The following KRT86 variants were observed in gnomAD, a reference collection of about 807,000 sequenced individuals.
KRT86 encodes the protein keratin, type II cuticular Hb6.
A neutral mutation model predicts 41.2 loss-of-function variants in KRT86; 30 were observed. The observed-to-expected ratio is 0.73, with a 90% confidence interval of 0.54 to 0.99. The LOEUF is 0.99. KRT86 is among the 50% of genes least tolerant of loss of function. The probability of loss-of-function intolerance (pLI) is 0.00; values close to 1 mark genes in which losing one functional copy is unlikely to be tolerated. For missense variants in KRT86, 561 were observed against 571.4 expected (o/e 0.98, Z 0.19); for synonymous variants, 238 against 238.1 (o/e 1.00, Z 0.00).
At chr12:52,288,411 C>T (rs375883206) in intron 2 of KRT86, 15 of 1,614,050 alleles carry the variant, frequency 9.3e-6, no homozygotes, top group South Asian at 2.2e-5. Flanking sequence ...AGGGCCTCCA[C>T]GTTGGCCTCC....
At chr12:52,288,230 C>T in intron 2 of KRT86, 1 of 1,596,046 alleles carries the variant, frequency 6.3e-7, no homozygotes, top group Non-Finnish European at 8.6e-7. Context: ...CAGGCTTTCT[C>T]TGGTCCCCAA....
chr12:52,274,744 C>T, intron 1 of KRT86, 22 bp downstream of exon 1: 1 of 985,258 alleles, frequency 1.0e-6, no homozygotes, highest in Non-Finnish European at 1.2e-6. Context: ...ACACGTGGCT[C>T]CCTGGTCACA....
At chr12:52,296,438 C>G (rs925212872) in intron 2 of KRT86, among the ~76,000 whole-genome samples, 4 of 152,098 alleles carry the variant, frequency 2.6e-5, no homozygotes, top group Non-Finnish European at 5.9e-5. Context: ...AGTAATGAAC[C>G]CTCACAGGGC....
At chr12:52,291,369 G>A (rs1219930482) in intron 2 of KRT86, 2 of 1,601,860 alleles carry the variant, frequency 1.2e-6, no homozygotes, top group Non-Finnish European at 1.7e-6. Flanking sequence ...GAGATGCCAC[G>A]GTAGGGGGCG....
chr12:52,306,174 G>T lies in KRT86; in HGVS notation c.1141G>T (p.Asp381Tyr), dbSNP rs1347658676. Residue 381 changes from aspartate to tyrosine, a missense_variant, in exon 9 of 11, where the codon GAC (aspartate) becomes TAC (tyrosine). This residue lies in a region of KRT86 where 397 missense variants were observed against 375.9 expected (regional missense o/e 1.06). Transcript: ENST00000423955. The stretch of plus-strand genomic sequence containing the variant: ...GGGTGCCCTGCAGAAGGCCAAGCAG[G>T]ACATGGCCTGCCTGATCAGGGAGTA... ...LEGALQKAKQ[D>Y]MACLIREYQE... 2 of 1,613,744 alleles carry T rather than the reference G, an allele frequency of 1.2e-6. No individual in the cohort carries two copies. The highest frequency in any genetic ancestry group is 1.3e-5 in the African/African-American group (1 of 74,892).
chr12:52,308,826 G>T lies in KRT86; in HGVS notation c.*241G>T. 2 of 564,178 alleles carry T rather than the reference G, an allele frequency of 3.5e-6. No homozygotes were observed. Among genetic ancestry groups the T allele is most frequent in the Non-Finnish European group, 6.3e-6 (2 of 317,476 alleles). The allele number at this position is 564,178 out of a possible 1,614,324, so 34.9% of individuals were successfully genotyped here. ...CCTGGTAGTCAATTTGTTGTCCCGA[G>T]GATTCATCTTTTTCTTCCGCCTGCC... On this transcript the variant is annotated 3_prime_UTR_variant, in exon 11 of 11. Transcript: ENST00000423955.
intron 2 of KRT86, among the ~76,000 whole-genome samples, chr12:52,285,116 A>G (rs10876272): frequency 0.32 from 48,991 of 152,136 alleles, 8,135 homozygotes; most frequent in East Asian, 0.5. Flanking sequence ...TAACTCATCA[A>G]CTTATGAGGT....
intron 2 of KRT86, chr12:52,291,447 A>G: frequency 6.2e-7 from 1 of 1,612,888 alleles, no homozygotes; most frequent in Admixed American, 1.7e-5. Flanking sequence ...CGCCCACCAA[A>G]TCCTGATCCG....
rs1375896307 is a variant in KRT86 at position 52,306,289 on chromosome 12, C to T, written c.1247+9C>T. On this transcript the variant is annotated intron_variant, in intron 9 of 10. Coordinates refer to ENST00000423955, the MANE Select transcript of KRT86 (RefSeq NM_001320198.2). ...GAGGGCGAGGAGCAGAGGTGGGTCC[C>T]ATAGACCTTTCCCTTTCCCAGCCCT... 1.9e-6 allele frequency: 3 copies of T among 1,613,096 alleles called. No homozygotes were observed. Among genetic ancestry groups the T allele is most frequent in the African/African-American group, 1.3e-5 (1 of 74,904 alleles).
rs202205489 is a variant in KRT86 at position 52,291,404 on chromosome 12, C to T, written c.-4-10509C>T. On this transcript the variant is annotated intron_variant, in intron 2 of 10. Coordinates refer to ENST00000423955, the MANE Select transcript of KRT86 (RefSeq NM_001320198.2). ...GGCGGTGATGCAGCAGCGGCCGGGC[C>T]GCGGCCCGCAGGCCGAGATGCAGCT... 7.0e-4 allele frequency: 1,133 copies of T among 1,610,464 alleles called. 6 individuals carry two copies. The African/African-American group carries it at 0.014, about 20-fold the overall frequency.
intron 2 of KRT86, chr12:52,286,437 G>A (rs758261572): frequency 3.2e-6 from 5 of 1,552,872 alleles, no homozygotes; most frequent in East Asian, 2.4e-5. Flanking sequence ...GTCACTGGCC[G>A]GGAGCCTGAC....
At chr12:52,301,785 G>T (rs1404385555) in intron 2 of KRT86, 128 bp from the exon 3 acceptor site, 7 of 1,593,434 alleles carry the variant, frequency 4.4e-6, no homozygotes, top group Admixed American at 3.4e-5. Context: ...TCCGACCCAC[G>T]TGGTCACAGT....
Position 52,302,003 on chromosome 12 carries a change from C to T in KRT86, c.87C>T (p.Ala29=), listed in dbSNP as rs112261068. ...GGCCCGGCCGCTGCTGCATCACCGC[C>T]GCCCCCTACCGTGGCATCTCCTGCT... The part of the protein sequence containing the change: ...GPRPGRCCIT[A]APYRGISCYR... Residue 29 remains alanine, a synonymous_variant, in exon 3 of 11, where the codon GCC becomes GCT. Transcript: ENST00000423955. The T allele has an allele frequency of 0.16, 250,398 of 1,612,230 alleles. 20,328 individuals carry two copies. The highest frequency in any genetic ancestry group is 0.24 in the South Asian group (21,596 of 90,978).
chr12:52,284,820 T>C (rs576906218), intron 2 of KRT86, among the ~76,000 whole-genome samples: 1 of 152,268 alleles, frequency 6.6e-6, no homozygotes, highest in East Asian at 1.9e-4. Context: ...CCTTGGCCCA[T>C]AGTGGGGCTG....
chr12:52,288,667 G>T (rs1033649716), intron 2 of KRT86, among the ~76,000 whole-genome samples: 23 of 152,038 alleles, frequency 1.5e-4, no homozygotes, highest in Non-Finnish European at 2.9e-4. Context: ...TGCCTCACCA[G>T]CCTTTCACCC....
chr12:52,286,975 C>G (rs1565739977), intron 2 of KRT86: 1 of 1,567,000 alleles, frequency 6.4e-7, no homozygotes, highest in Admixed American at 1.8e-5. Context: ...CCAGCCCTCC[C>G]CACACCGGAA....
rs117629920 is a variant in KRT86, at chr12:52,279,743, A to G, written c.-5+3797A>G. ...CTTTAGGATGGGGAGCCCGGAGTCC[A>G]TGGGGAAAGCGAGAGAAAGGGTTCA... On this transcript the variant is annotated intron_variant, in intron 2 of 10. Transcript: ENST00000423955. Among the ~76,000 whole-genome samples, 450 of 152,304 alleles carry G rather than the reference A, an allele frequency of 3.0e-3. 1 individual carries two copies. The highest frequency in any genetic ancestry group is 5.1e-3 in the Non-Finnish European group (349 of 68,018).
rs1441954577 is a variant in KRT86, at chr12:52,306,181, C to G, written c.1148C>G (p.Ala383Gly). The G allele has an allele frequency of 6.2e-7, 1 of 1,613,852 alleles. No individual in the cohort carries two copies. Among genetic ancestry groups the G allele is most frequent in the Non-Finnish European group, 8.5e-7 (1 of 1,180,028 alleles). The change falls in exon 9 of 11, where the codon GCC becomes GGC. Residue 383 changes from alanine (A) to glycine (G), a missense_variant. Physicochemically the swap from Ala to Gly is moderately conservative, Grantham distance 60. Transcript: ENST00000423955. Reference sequence around the variant, plus strand: ...CTGCAGAAGGCCAAGCAGGACATGGCCTGCCTGATCAGGGAGTACCAGGAG... The same window carrying G: ...CTGCAGAAGGCCAAGCAGGACATGGGCTGCCTGATCAGGGAGTACCAGGAG... ...GALQKAKQDMACLIREYQEVM... is the reference protein window; with the variant it reads ...GALQKAKQDMGCLIREYQEVM...
At chr12:52,286,024 G>A in intron 2 of KRT86, 1 of 574,340 alleles carries the variant, frequency 1.7e-6, no homozygotes, top group Non-Finnish European at 3.1e-6. Context: ...TGCTCCTGAG[G>A]CCCCTTCCTA....
Sources: gnomAD v4.1 joint callset for allele counts (sites outside exome capture counted in the v4.1 genomes callset) on GRCh38, gnomAD v4.1.1 for gene constraint, gnomAD v4.1.1 regional missense constraint, MANE v1.5 for transcripts, NCBI Gene and HGNC (gene_info 2026-07-23, HGNC 2026-07-21) for gene names.